Variants in NPRL3 observed in about 807,000 individuals in gnomAD.
NPRL3 encodes NPR3 like, GATOR1 complex subunit.
A neutral mutation model predicts 57.2 loss-of-function variants in NPRL3; 23 were observed. The ratio of observed to expected loss-of-function variants is 0.40; its 90% confidence interval spans 0.29 to 0.57. NPRL3 has a LOEUF of 0.57. Ranked by LOEUF, NPRL3 falls within the 20% of genes least tolerant of loss-of-function variation. NPRL3 has a pLI of 0.42. For missense variants in NPRL3, 691 were observed against 767.1 expected, an observed-to-expected ratio of 0.90 and a Z score of 1.17; for synonymous variants, 333 against 321.1, an observed-to-expected ratio of 1.04 and a Z score of -0.39.
chr16:126,423 A>AAATAAT (rs10592629), intron 3 of NPRL3: 5 of 144,930 alleles, frequency 3.4e-5, no homozygotes, highest in Admixed American at 2.1e-4. Flanking sequence ...CTACGTCTCA[A>AAATAAT]AATAATAATA....
intron 3 of NPRL3, 144 bp from the exon 4 acceptor site, chr16:119,399 A>G (rs1226060622): frequency 3.7e-5 from 28 of 762,592 alleles, no homozygotes; most frequent in Admixed American, 7.4e-5. Flanking sequence ...AGCTACTAAC[A>G]GTTGCCCTTC....
intron 7 of NPRL3, among the ~76,000 whole-genome samples, chr16:100,961 ACT>A (rs1490078481): frequency 6.9e-5 from 8 of 115,420 alleles, no homozygotes; most frequent in Non-Finnish European, 1.4e-4. Flanking sequence ...ACAAGGCAAG[ACT>A]CTGTCTCAAA....
At chr16:86,965 A>G (rs1449160019) in intron 13 of NPRL3, 95 bp from the exon 14 acceptor site, 38 of 1,248,776 alleles carry the variant, frequency 3.0e-5, no homozygotes, top group Non-Finnish European at 4.2e-5. Context: ...TGAGCTGCCC[A>G]CAGGCCTGAA....
intron 9 of NPRL3, among the ~76,000 whole-genome samples, chr16:95,249 G>A (rs1293200006): frequency 6.6e-6 from 1 of 151,090 alleles, no homozygotes; most frequent in Non-Finnish European, 1.5e-5. Flanking sequence ...ATCTGTGGGG[G>A]CCATTATTCA....
At position 95,344 on chromosome 16, in the gene NPRL3, T is replaced by TACAC. The variant is rs1188043170; in HGVS notation, c.925-2020_925-2019insGTGT. Among the ~76,000 whole-genome samples the TACAC allele has an allele frequency of 2.8e-3, 168 of 59,320 alleles. 1 individual carries two copies. The highest frequency in any genetic ancestry group is 6.1e-3 in the Non-Finnish European group (142 of 23,316). 38.9% of individuals were successfully genotyped at this position (59,320 alleles called of 152,430 possible). A position where few individuals can be genotyped will look rare whatever the true frequency, so the allele number is the denominator to read the frequency against. ...GTGTGTGTATATATATATATATATA[T>TACAC]ATATATACACACACACACACACACA... On this transcript the variant is annotated intron_variant, in intron 9 of 13. Coordinates refer to ENST00000611875, the MANE Select transcript of NPRL3 (RefSeq NM_001077350.3).
intron 9 of NPRL3, among the ~76,000 whole-genome samples, chr16:94,862 C>T (rs1898921334): frequency 1.3e-5 from 2 of 152,162 alleles, no homozygotes; most frequent in African/African-American, 4.8e-5. Context: ...TGGTCTCCAC[C>T]TCCTGCCTCT....
chr16:94,139 C>G (rs1454100989), intron 9 of NPRL3, among the ~76,000 whole-genome samples: 1 of 152,120 alleles, frequency 6.6e-6, no homozygotes, highest in South Asian at 2.1e-4. Flanking sequence ...CCAAAGGCCC[C>G]AGGTCTGCCC....
At chr16:96,543 G>A (rs891603565) in intron 9 of NPRL3, among the ~76,000 whole-genome samples, 33 of 150,914 alleles carry the variant, frequency 2.2e-4, no homozygotes, top group Admixed American at 6.6e-5. Flanking sequence ...GGGCATGGTG[G>A]CTCATGCCTG....
At chr16:127,861 A>G (rs1259175086) in intron 3 of NPRL3, among the ~76,000 whole-genome samples, 6 of 151,124 alleles carry the variant, frequency 4.0e-5, no homozygotes, top group African/African-American at 9.8e-5. Flanking sequence ...TCACCGTGTT[A>G]GCCAGGATGA....
chr16:97,699 G>A (rs550900312), intron 9 of NPRL3, among the ~76,000 whole-genome samples: 5 of 152,106 alleles, frequency 3.3e-5, no homozygotes, highest in East Asian at 1.9e-4. Context: ...ACACAGGGGC[G>A]TAAGGCCACC....
Position 93,235 on chromosome 16 carries a change from T to C in NPRL3, c.1015A>G (p.Asn339Asp), listed in dbSNP as rs750771818. 34 of 1,554,440 alleles carry C rather than the reference T, an allele frequency of 2.2e-5. No individual in the cohort carries two copies. The South Asian group carries it at 3.7e-4, about 17-fold the overall frequency. Reference protein sequence around the residue: ...CENNVYMLSPNASVCLYSPLA... With the variant: ...CENNVYMLSPDASVCLYSPLA... Reference sequence around the variant, plus strand: ...AGCACTCACAGACATACGCTGGCATTGGGAGACAGCATGTAGACGTTGTTC... The same window carrying C: ...AGCACTCACAGACATACGCTGGCATCGGGAGACAGCATGTAGACGTTGTTC... The change falls in exon 10 of 14, where the codon AAT (asparagine) becomes GAT (aspartate). Residue 339 changes from asparagine to aspartate, a missense_variant. Asn to Asp is a conservative substitution (Grantham distance 23). Coordinates refer to ENST00000611875, the MANE Select transcript of NPRL3 (RefSeq NM_001077350.3).
chr16:115,494 T>TG, intron 5 of NPRL3, among the ~76,000 whole-genome samples: 1 of 140,966 alleles, frequency 7.1e-6, no homozygotes, highest in Non-Finnish European at 1.6e-5. Context: ...CTGTTGCTTT[T>TG]TTTTTTTTGA....
intron 12 of NPRL3, 119 bp from the exon 13 acceptor site, chr16:89,009 A>G: frequency 1.1e-6 from 1 of 878,154 alleles, no homozygotes; most frequent in East Asian, 2.7e-5. Context: ...GGGTTAGGGT[A>G]CATCTGCCTG....
chr16:138,077 G>T, intron 2 of NPRL3, 73 bp downstream of exon 2: 1 of 1,119,494 alleles, frequency 8.9e-7, no homozygotes, highest in Non-Finnish European at 1.3e-6. Context: ...TCCGCGAGGC[G>T]GCCCTGGAAT....
chr16:117,066 A>G (rs1339532677), intron 5 of NPRL3, among the ~76,000 whole-genome samples: 1 of 152,220 alleles, frequency 6.6e-6, no homozygotes, highest in African/African-American at 2.4e-5. Context: ...TGATGGTTAT[A>G]CAACATGAAT....
At position 93,167 on chromosome 16, in the gene NPRL3, C is replaced by T. The variant is rs572209791; in HGVS notation, c.1031+52G>A. 7 of 1,215,970 alleles carry T rather than the reference C, an allele frequency of 5.8e-6. No individual in the cohort carries two copies. The South Asian group carries it at 7.8e-5, about 13-fold the overall frequency. The allele number at this position is 1,215,970 out of a possible 1,614,324, so 75.3% of individuals were successfully genotyped here. A position where few individuals can be genotyped will look rare whatever the true frequency, so the allele number is the denominator to read the frequency against. ...AACAGCATCTGGAGGGCCCTGCCAGCCTCACCCCTTCCCACTCGGGGCTCC... is the reference window on the plus strand; with the variant it reads ...AACAGCATCTGGAGGGCCCTGCCAGTCTCACCCCTTCCCACTCGGGGCTCC... On this transcript the variant is annotated intron_variant, in intron 10 of 13. Coordinates refer to ENST00000611875, the MANE Select transcript of NPRL3 (RefSeq NM_001077350.3).
In NPRL3 at chr16:89,315, G is replaced by T. The variant is rs565622187; in HGVS notation, c.1351+398C>A. The stretch of plus-strand genomic sequence containing the variant: ...CCTTCCTTCCCCAAGCCTGGGGACC[G>T]GGGACCTGGGACCTGGCAACAGGCT... On this transcript the variant is annotated intron_variant, in intron 12 of 13. Coordinates refer to ENST00000611875, the MANE Select transcript of NPRL3 (RefSeq NM_001077350.3). The T allele has an allele frequency of 6.0e-5, 16 of 265,544 alleles. No homozygotes were observed. The East Asian group carries it at 1.3e-3, about 21-fold the overall frequency. 16.4% of individuals were successfully genotyped at this position (265,544 alleles called of 1,614,324 possible).
chr16:124,760 G>C lies in NPRL3; in HGVS notation c.189-5505C>G, dbSNP rs377430355. Among the ~76,000 whole-genome samples the C allele has an allele frequency of 3.3e-4, 51 of 152,248 alleles. 2 individuals carry two copies. The South Asian group carries it at 1.0e-2, about 30-fold the overall frequency. On this transcript the variant is annotated intron_variant, in intron 3 of 13. Transcript: ENST00000611875. Reference sequence around the variant, plus strand: ...TCTGGGCTTTTGCACTACCTGAGTTGAGATTTTTAGAAACAGTTTAGGAGT... The same window carrying C: ...TCTGGGCTTTTGCACTACCTGAGTTCAGATTTTTAGAAACAGTTTAGGAGT...
At chr16:92,845 G>A (rs1898822193) in intron 10 of NPRL3, 120 bp from the exon 11 acceptor site, 6 of 1,336,860 alleles carry the variant, frequency 4.5e-6, no homozygotes, top group Middle Eastern at 2.3e-4. Context: ...GTGCGATGAG[G>A]GCAGAACGGT....
Sources: allele counts gnomAD v4.1 joint callset (sites outside exome capture counted in the v4.1 genomes callset), GRCh38; gene constraint gnomAD v4.1.1; transcripts MANE v1.5; gene names NCBI Gene and HGNC (gene_info 2026-07-23, HGNC 2026-07-21).